Variants in ANKS1B observed in about 807,000 individuals in gnomAD.
ANKS1B encodes the protein ankyrin repeat and sterile alpha motif domain containing 1B, also known as ankyrin repeat and sterile alpha motif domain-containing protein 1B.
Under a neutral mutation model 148.3 loss-of-function variants are expected in ANKS1B, and 36 were observed. That is an observed-to-expected ratio of 0.24 (90% CI 0.19 to 0.32). The LOEUF (loss-of-function observed/expected upper bound fraction) is 0.32. ANKS1B is among the 10% of genes least tolerant of loss of function. The pLI, the probability that ANKS1B is intolerant of heterozygous loss-of-function variation, is 1.00. For synonymous variants in ANKS1B, 542 were observed against 560.8 expected (o/e 0.97, Z 0.47); for missense variants, 1,157 against 1,542.6 (o/e 0.75, Z 4.19).
chr12:99,621,141 C>T (rs1431090046), intron 9 of ANKS1B, among the ~76,000 whole-genome samples: 10 of 152,078 alleles, frequency 6.6e-5, no homozygotes, highest in Non-Finnish European at 1.2e-4. Context: ...TAATATCCTG[C>T]CATACTAAGC....
At chr12:98,819,155 A>G (rs981840960) in intron 19 of ANKS1B, among the ~76,000 whole-genome samples, 5 of 152,244 alleles carry the variant, frequency 3.3e-5, no homozygotes, top group Non-Finnish European at 7.3e-5. Context: ...AAAGGTCTTG[A>G]TAGACTAGGA....
In ANKS1B at chr12:99,190,254, G is replaced by A. The variant is rs971523127; in HGVS notation, c.2420-35859C>T. 1.6e-4 allele frequency among the ~76,000 whole-genome samples: 24 copies of A among 152,216 alleles called. No homozygotes were observed. In the East Asian group the frequency reaches 3.7e-3, roughly 23 times the overall value. ...TAGGAAGAATCAATATAGTGAAAAC[G>A]TCCATACTACCCAAAGCAATTTATA... On this transcript the variant is annotated intron_variant, in intron 14 of 26. Coordinates refer to ENST00000683438, the MANE Select transcript of ANKS1B (RefSeq NM_001352186.2).
intron 1 of ANKS1B, among the ~76,000 whole-genome samples, chr12:99,908,694 C>T (rs1016205022): frequency 1.3e-5 from 2 of 152,176 alleles, no homozygotes; most frequent in African/African-American, 4.8e-5. Context: ...CTCCTAGTTT[C>T]CCTAATATAC....
rs1158284599 is a variant in ANKS1B at position 99,507,448 on chromosome 12, A to G, written c.1273-2807T>C. On this transcript the variant is annotated intron_variant, in intron 9 of 26. Transcript: ENST00000683438. ...TAATTTGAAAACATAAAGAAAGAGG[A>G]AAATAATCACATGAAAATCAAGCAT... Among the ~76,000 whole-genome samples, 6 of 151,948 alleles carry G rather than the reference A, an allele frequency of 3.9e-5. No individual in the cohort carries two copies. The South Asian group carries it at 1.2e-3, about 31-fold the overall frequency.
At chr12:99,620,990 T>C (rs2153372440) in intron 9 of ANKS1B, among the ~76,000 whole-genome samples, 1 of 151,788 alleles carries the variant, frequency 6.6e-6, no homozygotes, top group East Asian at 1.9e-4. Flanking sequence ...AAAGAAAAAA[T>C]CTTAAAGGCA....
At chr12:99,277,580 A>C (rs970814253) in intron 12 of ANKS1B, among the ~76,000 whole-genome samples, 2 of 152,226 alleles carry the variant, frequency 1.3e-5, no homozygotes, top group South Asian at 4.1e-4. Context: ...GTGGGTTAGT[A>C]AAGAGTTCTT....
intron 12 of ANKS1B, among the ~76,000 whole-genome samples, chr12:99,347,308 G>T (rs551018526): frequency 6.6e-6 from 1 of 152,064 alleles, no homozygotes; most frequent in African/African-American, 2.4e-5. Flanking sequence ...TGAGATGCTT[G>T]GGGGAGTAAG....
chr12:99,312,452 A>T (rs1311967701), intron 12 of ANKS1B, among the ~76,000 whole-genome samples: 1 of 152,134 alleles, frequency 6.6e-6, no homozygotes, highest in Non-Finnish European at 1.5e-5. Flanking sequence ...CTCTTTTTAG[A>T]AGATCAGTGT....
chr12:99,335,257 A>G (rs1033102828), intron 12 of ANKS1B, among the ~76,000 whole-genome samples: 1 of 151,924 alleles, frequency 6.6e-6, no homozygotes, highest in African/African-American at 2.4e-5. Flanking sequence ...TATGGGGTAC[A>G]TAAGATATTT....
intron 1 of ANKS1B, among the ~76,000 whole-genome samples, chr12:99,969,217 T>C (rs183821462): frequency 4.8e-4 from 73 of 152,280 alleles, no homozygotes; most frequent in Middle Eastern, 6.8e-3. Context: ...TTTTTCTTTT[T>C]GCCCAGGCTG....
intron 1 of ANKS1B, among the ~76,000 whole-genome samples, chr12:99,963,737 G>C (rs2095447654): frequency 1.3e-5 from 2 of 152,142 alleles, no homozygotes. Flanking sequence ...ATTACTTACT[G>C]TCCTGGTTCA....
intron 8 of ANKS1B, among the ~76,000 whole-genome samples, chr12:99,754,255 A>G (rs1172756122): frequency 6.6e-6 from 1 of 152,144 alleles, no homozygotes; most frequent in African/African-American, 2.4e-5. Context: ...AGATCAAAAA[A>G]GACAAAAGAG....
chr12:99,139,457 T>TTTCTTTCC (rs1566380960), intron 15 of ANKS1B, among the ~76,000 whole-genome samples: 1 of 85,756 alleles, frequency 1.2e-5, no homozygotes, highest in Non-Finnish European at 2.2e-5. Flanking sequence ...TCTTTCTTTC[T>TTTCTTTCC]TTCAAGATAG....
intron 9 of ANKS1B, among the ~76,000 whole-genome samples, chr12:99,641,832 T>G (rs1222887912): frequency 6.6e-6 from 1 of 152,180 alleles, no homozygotes; most frequent in Admixed American, 6.5e-5. Context: ...TACACCCTTA[T>G]TGTTGCTAAA....
At chr12:99,683,158 C>G (rs565622004) in intron 8 of ANKS1B, among the ~76,000 whole-genome samples, 259 of 152,214 alleles carry the variant, frequency 1.7e-3, no homozygotes, top group Non-Finnish European at 3.2e-3. Flanking sequence ...TACTGGGTCC[C>G]TCCCACAACA....
rs77116730 is a variant in ANKS1B, at chr12:99,385,750, A to G, written c.1756+13881T>C. ...GCATATCAATGGCCAAGAACATATC[A>G]ATGGACTAGAAAATATGCTAAGGAG... is the stretch of plus-strand genomic sequence containing the variant. On this transcript the variant is annotated intron_variant, in intron 12 of 26. Coordinates refer to ENST00000683438, the MANE Select transcript of ANKS1B (RefSeq NM_001352186.2). Among the ~76,000 whole-genome samples, 597 of 152,332 alleles carry G rather than the reference A, an allele frequency of 3.9e-3. 39 individuals carry two copies. The East Asian group carries it at 0.089, about 23-fold the overall frequency.
chr12:99,390,921 C>T (rs531627781), intron 12 of ANKS1B, among the ~76,000 whole-genome samples: 1 of 152,332 alleles, frequency 6.6e-6, no homozygotes, highest in East Asian at 1.9e-4. Context: ...AGAGGGACCA[C>T]TTTGCCAGTG....
chr12:98,919,577 A>G (rs2099798678), intron 17 of ANKS1B, among the ~76,000 whole-genome samples: 1 of 152,210 alleles, frequency 6.6e-6, no homozygotes, highest in Non-Finnish European at 1.5e-5. Flanking sequence ...ACACAAACAC[A>G]CTGTACCTCC....
intron 17 of ANKS1B, among the ~76,000 whole-genome samples, chr12:98,852,493 A>G (rs899147190): frequency 6.6e-6 from 1 of 152,188 alleles, no homozygotes; most frequent in African/African-American, 2.4e-5. Context: ...CTCTGGGAGT[A>G]CTACTTTCTA....
Sources: allele counts gnomAD v4.1 joint callset (sites outside exome capture counted in the v4.1 genomes callset), GRCh38; gene constraint gnomAD v4.1.1; transcripts MANE v1.5; gene names NCBI Gene and HGNC (gene_info 2026-07-23, HGNC 2026-07-21).